SHC3: variants seen among roughly 807,000 people sequenced by gnomAD.
SHC3 encodes SHC adaptor protein 3.
SHC3 carries 15 observed loss-of-function variants against 60.4 expected under a neutral mutation model. The observed-to-expected ratio is 0.25, with a 90% CI of 0.17 to 0.38. SHC3 has a LOEUF of 0.38. Among genes scored for constraint, SHC3 ranks in the 10% least tolerant of loss-of-function variants. The pLI, the probability that SHC3 is intolerant of heterozygous loss-of-function variation, is 1.00. For synonymous variants in SHC3, 294 were observed against 325.9 expected (o/e 0.90, Z 1.05); for missense variants, 677 against 786.1 (o/e 0.86, Z 1.66).
intron 4 of SHC3, among the ~76,000 whole-genome samples, chr9:89,073,875 C>A (rs139257460): frequency 1.3e-5 from 2 of 152,222 alleles, no homozygotes; most frequent in Admixed American, 6.5e-5. Context: ...GCCCAGCCAA[C>A]AAGCCTTCAT....
chr9:89,030,817 TG>T (rs1824474556), intron 11 of SHC3, among the ~76,000 whole-genome samples: 1 of 152,252 alleles, frequency 6.6e-6, no homozygotes, highest in Non-Finnish European at 1.5e-5. Context: ...GTGATTTGTT[TG>T]AAAAACAAGA....
chr9:89,038,347 A>T, intron 10 of SHC3, 59 bp from the exon 11 acceptor site: 4 of 995,160 alleles, frequency 4.0e-6, no homozygotes, highest in Admixed American at 3.5e-5. Context: ...AATGATAAAA[A>T]AAAAAAAAAA....
At chr9:89,056,274 T>G (rs1468239808) in intron 6 of SHC3, among the ~76,000 whole-genome samples, 2 of 152,176 alleles carry the variant, frequency 1.3e-5, no homozygotes. Flanking sequence ...GAGATGGAGT[T>G]TCACTCTTGT....
intron 1 of SHC3, among the ~76,000 whole-genome samples, chr9:89,129,059 T>TA (rs1299156823): frequency 1.3e-5 from 2 of 152,116 alleles, no homozygotes; most frequent in Admixed American, 6.5e-5. Flanking sequence ...GAGAAGACCT[T>TA]AAATGACCTG....
chr9:89,078,558 T>G (rs1587714396), intron 2 of SHC3, among the ~76,000 whole-genome samples: 1 of 151,752 alleles, frequency 6.6e-6, no homozygotes, highest in Non-Finnish European at 1.5e-5. Flanking sequence ...GGAGGCAGAG[T>G]GTCCTGGTGC....
intron 8 of SHC3, 101 bp from the exon 9 acceptor site, chr9:89,045,934 G>A (rs373052522): frequency 8.8e-7 from 1 of 1,132,844 alleles, no homozygotes. Context: ...CCTTAAGGTG[G>A]TTCGCATCCT....
At chr9:89,101,541 C>T (rs896398568) in intron 2 of SHC3, among the ~76,000 whole-genome samples, 30 of 151,810 alleles carry the variant, frequency 2.0e-4, no homozygotes, top group African/African-American at 7.0e-4. Flanking sequence ...AGTGTGTTGA[C>T]AGTTTTTATA....
intron 11 of SHC3, among the ~76,000 whole-genome samples, chr9:89,036,151 G>C (rs1344786918): frequency 6.6e-6 from 1 of 151,960 alleles, no homozygotes; most frequent in African/African-American, 2.4e-5. Flanking sequence ...GATGAAAAAA[G>C]CAAGAGAATA....
chr9:89,041,880 T>C (rs1230270173), intron 10 of SHC3, 146 bp downstream of exon 10: 4 of 1,025,396 alleles, frequency 3.9e-6, no homozygotes, highest in Non-Finnish European at 5.6e-6. Context: ...ACAAACCCAA[T>C]CATCACCCAG....
chr9:89,172,986 G>A (rs2118272577), intron 1 of SHC3, among the ~76,000 whole-genome samples: 1 of 152,178 alleles, frequency 6.6e-6, no homozygotes, highest in Non-Finnish European at 1.5e-5. Flanking sequence ...TGCTTCCCTG[G>A]GCCCGTCTCT....
In SHC3 at chr9:89,026,911, C is replaced by T. The variant is rs924434209; in HGVS notation, c.1656+11082G>A. Among the ~76,000 whole-genome samples, 6 of 152,172 alleles carry T rather than the reference C, an allele frequency of 3.9e-5. No homozygotes were observed. In the East Asian group the frequency reaches 1.2e-3, roughly 29 times the overall value. On this transcript the variant is annotated intron_variant, in intron 11 of 11. Coordinates refer to ENST00000375835, the MANE Select transcript of SHC3 (RefSeq NM_016848.6). ...GAGGAGACTCCTGGTCTTCCCTGGC[C>T]CTATTGCTTCTGGATCTCACTTCCT...
intron 1 of SHC3, among the ~76,000 whole-genome samples, chr9:89,132,812 G>T (rs968158335): frequency 2.0e-5 from 3 of 152,130 alleles, no homozygotes; most frequent in African/African-American, 7.2e-5. Flanking sequence ...AACCCTAGAA[G>T]AAAACCTAAG....
At chr9:89,148,599 T>C (rs1163474945) in intron 1 of SHC3, among the ~76,000 whole-genome samples, 1 of 152,226 alleles carries the variant, frequency 6.6e-6, no homozygotes, top group African/African-American at 2.4e-5. Flanking sequence ...GATCAATAAG[T>C]TGACATTTTC....
At chr9:89,147,290 A>T (rs899801922) in intron 1 of SHC3, among the ~76,000 whole-genome samples, 3 of 152,104 alleles carry the variant, frequency 2.0e-5, no homozygotes, top group Admixed American at 1.3e-4. Flanking sequence ...AAAATTAGTG[A>T]GGTTCTACAT....
intron 11 of SHC3, among the ~76,000 whole-genome samples, chr9:89,018,008 T>C (rs1324561635): frequency 6.6e-6 from 1 of 152,180 alleles, no homozygotes; most frequent in Admixed American, 6.5e-5. Context: ...CTGGAGAGGA[T>C]GTGGAAAAAT....
intron 2 of SHC3, among the ~76,000 whole-genome samples, chr9:89,084,145 A>T (rs1327981013): frequency 6.6e-6 from 1 of 152,344 alleles, no homozygotes; most frequent in East Asian, 1.9e-4. Context: ...ACATAACAAA[A>T]GAGCCATGGA....
intron 1 of SHC3, among the ~76,000 whole-genome samples, chr9:89,171,068 A>G (rs886521387): frequency 6.6e-6 from 1 of 152,196 alleles, no homozygotes; most frequent in African/African-American, 2.4e-5. Context: ...TCTTCCAGGC[A>G]AAGAACACTC....
intron 6 of SHC3, 107 bp downstream of exon 6, chr9:89,065,422 A>G (rs542767122): frequency 3.7e-5 from 42 of 1,142,780 alleles, no homozygotes; most frequent in Non-Finnish European, 4.7e-5. Flanking sequence ...ACAAGATGGC[A>G]CTACTCATTT....
At chr9:89,056,335 C>T (rs1026068912) in intron 6 of SHC3, among the ~76,000 whole-genome samples, 2 of 152,172 alleles carry the variant, frequency 1.3e-5, no homozygotes, top group African/African-American at 2.4e-5. Context: ...CAACCTCAGC[C>T]TCCTGGGTTC....
Sources: allele counts gnomAD v4.1 joint callset (sites outside exome capture counted in the v4.1 genomes callset), GRCh38; gene constraint gnomAD v4.1.1; transcripts MANE v1.5; gene names NCBI Gene and HGNC (gene_info 2026-07-23, HGNC 2026-07-21).